The following RTN4 variants were observed in gnomAD, a reference collection of about 807,000 sequenced individuals.
The protein encoded by RTN4 is reticulon-4.
RTN4 carries 32 observed loss-of-function variants against 90.4 expected under a neutral mutation model. That is an observed-to-expected ratio of 0.35 (90% CI 0.27 to 0.48). The LOEUF is 0.48. Among genes scored for constraint, RTN4 ranks in the 20% least tolerant of loss-of-function variants. The probability of loss-of-function intolerance (pLI) is 0.99; values close to 1 mark genes in which losing one functional copy is unlikely to be tolerated. For synonymous variants in RTN4, 629 were observed against 552.5 expected (o/e 1.14, Z -1.94); for missense variants, 1,706 against 1,430.2 (o/e 1.19, Z -3.11).
chr2:54,985,756 T>A (rs1573299025), intron 4 of RTN4, among the ~76,000 whole-genome samples: 4 of 152,162 alleles, frequency 2.6e-5, no homozygotes, highest in Admixed American at 2.6e-4. Flanking sequence ...AGTCTGTAAA[T>A]CCATTTAAGT....
intron 1 of RTN4, among the ~76,000 whole-genome samples, chr2:55,039,097 G>A (rs570478047): frequency 2.0e-5 from 3 of 152,272 alleles, no homozygotes; most frequent in Admixed American, 6.5e-5. Context: ...TTGGTGTTGC[G>A]GGTAGGAACC....
chr2:55,050,241 C>T lies in RTN4; in HGVS notation c.60G>A (p.Gln20=), dbSNP rs1237037338. ...VSSSDSPPRP[Q]PAFKYQFVRE... ...TCACGAACTGGTACTTGAACGCGGG[C>T]TGCGGCCGGGGTGGGCTGTCCGAGG... Residue 20 remains glutamine, a synonymous_variant, in exon 1 of 9, where the codon CAG becomes CAA. Coordinates refer to ENST00000337526, the MANE Select transcript of RTN4 (RefSeq NM_020532.5). This position sits in a 1 kb window ranked among gnomAD's most constrained non-coding sequence, Gnocchi z 4.6. 6.5e-7 allele frequency: 1 copy of T among 1,545,368 alleles called. No homozygotes were observed.
At chr2:55,134,313 A>T in the RTN4 span, among the ~76,000 whole-genome samples, 3 of 152,236 alleles carry the variant, frequency 2.0e-5, no homozygotes, top group South Asian at 4.1e-4. Context: ...CACTACCATC[A>T]GCATTCCCCT....
At chr2:55,024,956 G>T in intron 3 of RTN4, 130 bp downstream of exon 3, 1 of 1,143,718 alleles carries the variant, frequency 8.7e-7, no homozygotes, top group Non-Finnish European at 1.2e-6. Context: ...AACTGAAAAA[G>T]TGGAGAAGAC....
At chr2:55,031,765 C>T (rs1682334366) in intron 1 of RTN4, among the ~76,000 whole-genome samples, 1 of 152,186 alleles carries the variant, frequency 6.6e-6, no homozygotes. Flanking sequence ...TCTATAACTA[C>T]TTTTGCACAA....
intron 6 of RTN4, 61 bp from the exon 7 acceptor site, chr2:54,973,928 T>A: frequency 3.5e-6 from 5 of 1,415,160 alleles, no homozygotes; most frequent in Non-Finnish European, 4.9e-6. Flanking sequence ...GAATAAACAC[T>A]CAAAAAACTA....
intron 1 of RTN4, among the ~76,000 whole-genome samples, chr2:55,031,240 G>A (rs1682288973): frequency 6.6e-6 from 1 of 152,308 alleles, no homozygotes; most frequent in South Asian, 2.1e-4. Context: ...TGGACAAGAG[G>A]CAGGACAGCA....
chr2:55,044,785 T>TAAAAAAAAAAAAA (rs10639848), intron 1 of RTN4, among the ~76,000 whole-genome samples: 20 of 65,650 alleles, frequency 3.0e-4, no homozygotes, highest in South Asian at 1.8e-3. Flanking sequence ...TGCAAATCAC[T>TAAAAAAAAAAAAA]AAAAAAAAAA....
intron 2 of RTN4, among the ~76,000 whole-genome samples, chr2:55,071,919 C>G (rs1668521211): frequency 6.6e-6 from 1 of 152,134 alleles, no homozygotes; most frequent in Admixed American, 6.5e-5. Context: ...CAAAGAGATT[C>G]CAAGAGAGAG....
chr2:55,065,980 T>C (rs921009647), intron 2 of RTN4, among the ~76,000 whole-genome samples: 23 of 152,350 alleles, frequency 1.5e-4, no homozygotes, highest in African/African-American at 5.3e-4. Context: ...TTAAGATTAG[T>C]TCATTTTACA....
the RTN4 span, among the ~76,000 whole-genome samples, chr2:55,133,808 A>G: frequency 6.6e-6 from 1 of 152,170 alleles, no homozygotes; most frequent in Non-Finnish European, 1.5e-5. Context: ...GTGAACCCCA[A>G]AATTGGGGTT....
upstream of RTN4, among the ~76,000 whole-genome samples, chr2:55,051,627 A>G (rs1480882288): frequency 1.3e-5 from 2 of 152,214 alleles, no homozygotes; most frequent in African/African-American, 2.4e-5. Flanking sequence ...AAGTTGCTCA[A>G]AGTCTAAATC....
intron 5 of RTN4, among the ~76,000 whole-genome samples, chr2:54,978,506 G>A (rs1156909595): frequency 6.6e-6 from 1 of 151,480 alleles, no homozygotes; most frequent in Non-Finnish European, 1.5e-5. Flanking sequence ...TAAATTTGAG[G>A]GCACACAACA....
intron 5 of RTN4, among the ~76,000 whole-genome samples, chr2:54,979,758 C>T (rs1677967815): frequency 6.6e-6 from 1 of 152,146 alleles, no homozygotes; most frequent in African/African-American, 2.4e-5. Flanking sequence ...TATTCATTTG[C>T]CTCTAGATTT....
Position 55,027,204 on chromosome 2 carries a change from C to G in RTN4, c.895G>C (p.Glu299Gln). Residue 299 changes from glutamate to glutamine, a missense_variant, in exon 3 of 9, where the codon GAA becomes CAA. Glu to Gln is a conservative substitution (Grantham distance 29, BLOSUM62 2). Coordinates refer to ENST00000337526, the MANE Select transcript of RTN4 (RefSeq NM_020532.5). ...LTEFSELEYS[E>Q]MGSSFSVSPK... The stretch of plus-strand genomic sequence containing the variant: ...GAGACACTGAACGATGATCCCATTT[C>G]TGAGTATTCTAATTCTGAAAACTCT... 1.2e-6 allele frequency: 2 copies of G among 1,613,752 alleles called. No individual in the cohort carries two copies. Among genetic ancestry groups the G allele is most frequent in the Non-Finnish European group, 1.7e-6 (2 of 1,179,822 alleles).
intron 1 of RTN4, among the ~76,000 whole-genome samples, chr2:55,031,609 A>C (rs1682321766): frequency 6.6e-6 from 1 of 152,196 alleles, no homozygotes; most frequent in African/African-American, 2.4e-5. Context: ...AAAAATTCTG[A>C]CCAGTCAGAA....
intron 1 of RTN4, among the ~76,000 whole-genome samples, chr2:55,045,851 AC>A (rs1175107638): frequency 1.3e-5 from 2 of 152,126 alleles, no homozygotes; most frequent in African/African-American, 4.8e-5. Flanking sequence ...GTTCGAAGTC[AC>A]CCTTAATTAT....
intron 1 of RTN4, among the ~76,000 whole-genome samples, chr2:55,104,589 G>A (rs1038286106): frequency 4.6e-5 from 7 of 151,818 alleles, no homozygotes; most frequent in Non-Finnish European, 1.0e-4. Flanking sequence ...GGCCTCACGT[G>A]ATCCACCTGC....
chr2:55,040,082 G>A (rs1055106164), intron 1 of RTN4, among the ~76,000 whole-genome samples: 22 of 152,054 alleles, frequency 1.4e-4, no homozygotes, highest in African/African-American at 4.8e-4. Flanking sequence ...TAATCCTTAT[G>A]GCAGATCTCT....
Sources: gnomAD v4.1 joint callset for allele counts (sites outside exome capture counted in the v4.1 genomes callset) on GRCh38, gnomAD v4.1.1 for gene constraint, Gnocchi (gnomAD v3.1) non-coding constraint, MANE v1.5 for transcripts, NCBI Gene and HGNC (gene_info 2026-07-23, HGNC 2026-07-21) for gene names.